PTPRM: variants seen among roughly 807,000 people sequenced by gnomAD.
PTPRM encodes receptor-type tyrosine-protein phosphatase mu.
A neutral mutation model predicts 186.7 loss-of-function variants in PTPRM; 47 were observed. The ratio of observed to expected loss-of-function variants is 0.25; its 90% CI spans 0.20 to 0.32. PTPRM has a LOEUF of 0.32. PTPRM is among the 10% of genes least tolerant of loss of function. PTPRM has a pLI of 1.00. For synonymous variants in PTPRM, 668 were observed against 674.9 expected (o/e 0.99, Z 0.16); for missense variants, 1,494 against 1,865.0 (o/e 0.80, Z 3.66).
At chr18:7,849,960 A>G (rs1425969398) in intron 2 of PTPRM, among the ~76,000 whole-genome samples, 1 of 152,206 alleles carries the variant, frequency 6.6e-6, no homozygotes, top group Non-Finnish European at 1.5e-5. Context: ...TAACTTTCCT[A>G]AACACATTCA....
intron 5 of PTPRM, among the ~76,000 whole-genome samples, chr18:7,930,601 T>C (rs1377225423): frequency 6.6e-6 from 1 of 152,136 alleles, no homozygotes; most frequent in Non-Finnish European, 1.5e-5. Context: ...CTATACCGTC[T>C]TGTTGAATTT....
intron 1 of PTPRM, among the ~76,000 whole-genome samples, chr18:7,585,616 CTT>C (rs1001511957): frequency 6.6e-6 from 1 of 151,490 alleles, no homozygotes; most frequent in South Asian, 2.1e-4. Context: ...GGCTTTCTCT[CTT>C]TTTTTTTCCT....
chr18:7,770,795 A>C (rs916752113), intron 1 of PTPRM, among the ~76,000 whole-genome samples: 1 of 151,996 alleles, frequency 6.6e-6, no homozygotes, highest in African/African-American at 2.4e-5. Context: ...ACTTTAACTC[A>C]TCTTATTTTA....
At chr18:7,834,720 G>T (rs903192752) in intron 2 of PTPRM, among the ~76,000 whole-genome samples, 1 of 151,878 alleles carries the variant, frequency 6.6e-6, no homozygotes, top group Non-Finnish European at 1.5e-5. Flanking sequence ...GAATTCAGCA[G>T]TGAAGCCATC....
intron 32 of PTPRM, among the ~76,000 whole-genome samples, chr18:8,401,655 C>T (rs548680876): frequency 2.0e-5 from 3 of 152,354 alleles, no homozygotes; most frequent in African/African-American, 7.2e-5. Context: ...CCACGCTGGC[C>T]GCCAGCCTGA....
At chr18:8,342,886 C>T (rs2095483019) in intron 22 of PTPRM, among the ~76,000 whole-genome samples, 1 of 149,212 alleles carries the variant, frequency 6.7e-6, no homozygotes, top group South Asian at 2.2e-4. Context: ...AGAGGAAGTG[C>T]AACTGCTTAA....
chr18:7,687,846 C>T (rs768487289), intron 1 of PTPRM, among the ~76,000 whole-genome samples: 15 of 150,106 alleles, frequency 1.0e-4, no homozygotes, highest in Non-Finnish European at 1.9e-4. Context: ...GGTGCAATCT[C>T]GGCTCACTGC....
chr18:8,249,412 C>T (rs2094507161), intron 17 of PTPRM, among the ~76,000 whole-genome samples: 1 of 152,202 alleles, frequency 6.6e-6, no homozygotes, highest in Non-Finnish European at 1.5e-5. Context: ...TCCCTGCCCA[C>T]ACACTTTTAA....
intron 1 of PTPRM, among the ~76,000 whole-genome samples, chr18:7,627,671 A>G (rs1328614033): frequency 2.0e-5 from 3 of 152,222 alleles, no homozygotes; most frequent in African/African-American, 7.2e-5. Context: ...TTCGGCGGGC[A>G]CCAGAGGCAT....
intron 14 of PTPRM, among the ~76,000 whole-genome samples, chr18:8,188,193 G>C (rs559806207): frequency 6.6e-6 from 1 of 152,296 alleles, no homozygotes; most frequent in South Asian, 2.1e-4. Context: ...CAAAAATCCA[G>C]AAGCACATAG....
Position 7,980,119 on chromosome 18 carries a change from A to G in PTPRM, c.1132+24705A>G, listed in dbSNP as rs74428349. ...GCCCCACAAAATATTTTTTTCTACC[A>G]GTGTCTCTTACCTGAATCAGTACTT... On this transcript the variant is annotated intron_variant, in intron 7 of 32. Transcript: ENST00000580170. Among the ~76,000 whole-genome samples the G allele has an allele frequency of 4.6e-3, 703 of 152,058 alleles. 4 individuals are homozygous for G. Among genetic ancestry groups the G allele is most frequent in the African/African-American group, 0.017 (686 of 41,468 alleles).
At chr18:7,910,009 A>G (rs2050181582) in intron 4 of PTPRM, among the ~76,000 whole-genome samples, 1 of 152,210 alleles carries the variant, frequency 6.6e-6, no homozygotes, top group South Asian at 2.1e-4. Context: ...TAGCTTCCTA[A>G]TGTTGCCTCC....
At chr18:7,589,398 G>A (rs183436194) in intron 1 of PTPRM, among the ~76,000 whole-genome samples, 2 of 152,152 alleles carry the variant, frequency 1.3e-5, no homozygotes, top group African/African-American at 4.8e-5. Context: ...TGGCCTGTCG[G>A]TGTTCTGTAC....
At chr18:8,189,820 T>C (rs1275150100) in intron 14 of PTPRM, among the ~76,000 whole-genome samples, 1 of 152,246 alleles carries the variant, frequency 6.6e-6, no homozygotes, top group East Asian at 1.9e-4. Flanking sequence ...CAAGATAGTG[T>C]TCGTCAGTTT....
intron 1 of PTPRM, among the ~76,000 whole-genome samples, chr18:7,647,594 C>T (rs765205105): frequency 1.3e-5 from 2 of 152,240 alleles, no homozygotes; most frequent in Non-Finnish European, 2.9e-5. Context: ...GTCAGAACTG[C>T]TCTACATTTG....
intron 7 of PTPRM, among the ~76,000 whole-genome samples, chr18:8,012,039 T>G (rs2084562495): frequency 1.3e-5 from 2 of 152,204 alleles, no homozygotes. Context: ...GTGGTTTCCC[T>G]TTCTGTGTTT....
At chr18:7,722,290 A>C (rs570143733) in intron 1 of PTPRM, among the ~76,000 whole-genome samples, 1 of 152,316 alleles carries the variant, frequency 6.6e-6, no homozygotes, top group South Asian at 2.1e-4. Context: ...ACTGAGCAAT[A>C]AGCATTTAAG....
intron 2 of PTPRM, among the ~76,000 whole-genome samples, chr18:7,832,413 C>A (rs1393458953): frequency 3.3e-5 from 5 of 152,278 alleles, no homozygotes; most frequent in Admixed American, 3.3e-4. Flanking sequence ...CTGTTTGCCA[C>A]TTGTATGTCT....
At chr18:7,753,070 C>A (rs368872935) in intron 1 of PTPRM, among the ~76,000 whole-genome samples, 1 of 151,952 alleles carries the variant, frequency 6.6e-6, no homozygotes, top group Non-Finnish European at 1.5e-5. Flanking sequence ...AGTAGAGAAC[C>A]AAAACCAGTT....
Sources: allele counts gnomAD v4.1 joint callset (sites outside exome capture counted in the v4.1 genomes callset), GRCh38; gene constraint gnomAD v4.1.1; transcripts MANE v1.5; gene names NCBI Gene and HGNC (gene_info 2026-07-23, HGNC 2026-07-21).